Variants in PAG1 observed in about 807,000 individuals in gnomAD.
The protein encoded by PAG1 is phosphoprotein associated with glycosphingolipid-enriched microdomains 1.
Under a neutral mutation model 31.7 loss-of-function variants are expected in PAG1, and 23 were observed. The ratio of observed to expected loss-of-function variants is 0.73; its 90% CI spans 0.52 to 1.03. The LOEUF is 1.03. Ranked by LOEUF, PAG1 falls within the 50% of genes least tolerant of loss-of-function variation. PAG1 has a pLI of 0.00. For missense variants in PAG1, 473 were observed against 540.7 expected, an observed-to-expected ratio of 0.87 and a Z score of 1.24; for synonymous variants, 214 against 210.3, an observed-to-expected ratio of 1.02 and a Z score of -0.15.
At chr8:81,081,763 T>C (rs1809270096) in intron 1 of PAG1, among the ~76,000 whole-genome samples, 1 of 151,316 alleles carries the variant, frequency 6.6e-6, no homozygotes, top group South Asian at 2.1e-4. Flanking sequence ...AATAGCTCCT[T>C]TGTTTTATTG....
rs1053337379 is a variant in PAG1, at chr8:81,014,067, A to G, written c.-81+15929T>C. 3.9e-5 allele frequency among the ~76,000 whole-genome samples: 6 copies of G among 152,222 alleles called. No individual in the cohort carries two copies. In the East Asian group the frequency reaches 5.8e-4, roughly 15 times the overall value. On this transcript the variant is annotated intron_variant, in intron 3 of 8. Transcript: ENST00000220597. ...AAATATTTGTAGGGTTTGCCAGGGT[A>G]AAATTCTCAGATTTTGGGCTTACAA... is the stretch of plus-strand genomic sequence containing the variant.
intron 5 of PAG1, among the ~76,000 whole-genome samples, chr8:80,988,837 A>C (rs1023463946): frequency 6.6e-6 from 1 of 152,212 alleles, no homozygotes; most frequent in South Asian, 2.1e-4. Flanking sequence ...GCAGGGATAG[A>C]ATGTGTAGAT....
chr8:80,972,110 T>C lies in PAG1; in HGVS notation c.*4434A>G, dbSNP rs963376764. 1 of 152,218 alleles carries C rather than the reference T, an allele frequency of 6.6e-6. No homozygotes were observed. Among genetic ancestry groups the C allele is most frequent in the Non-Finnish European group, 1.5e-5 (1 of 68,028 alleles). The allele number at this position is 152,218 out of a possible 1,614,324, so 9.4% of individuals were successfully genotyped here. A position where few individuals can be genotyped will look rare whatever the true frequency, so the allele number is the denominator to read the frequency against. ...AGCCATATTTGATATTAAAGACACA[T>C]GTTCCTATTTTCACATCAGTCATTT... On this transcript the variant is annotated 3_prime_UTR_variant, in exon 9 of 9. Transcript: ENST00000220597.
chr8:81,017,311 C>A (rs777657387), intron 3 of PAG1, among the ~76,000 whole-genome samples: 6 of 152,216 alleles, frequency 3.9e-5, no homozygotes, highest in Admixed American at 1.3e-4. Flanking sequence ...AAACAGAACT[C>A]TGACTTTTTA....
chr8:81,045,555 C>T (rs1045250038), intron 2 of PAG1, among the ~76,000 whole-genome samples: 2 of 152,096 alleles, frequency 1.3e-5, no homozygotes, highest in African/African-American at 4.8e-5. Context: ...GGTGGGGTGA[C>T]AGCCTAGGGG....
chr8:81,059,662 A>G (rs931468019), intron 2 of PAG1, among the ~76,000 whole-genome samples: 1 of 152,152 alleles, frequency 6.6e-6, no homozygotes, highest in Non-Finnish European at 1.5e-5. Flanking sequence ...GGAGTCTATT[A>G]TCTCCCCATA....
chr8:80,990,566 G>T lies in PAG1; in HGVS notation c.177+913C>A, dbSNP rs1054452615. 2.6e-5 allele frequency among the ~76,000 whole-genome samples: 4 copies of T among 152,104 alleles called. No individual in the cohort carries two copies. Among genetic ancestry groups the T allele is most frequent in the African/African-American group, 9.7e-5 (4 of 41,416 alleles). On this transcript the variant is annotated intron_variant, in intron 5 of 8. Coordinates refer to ENST00000220597, the MANE Select transcript of PAG1 (RefSeq NM_018440.4). This position sits in a 1 kb window ranked among gnomAD's most constrained non-coding sequence, Gnocchi z 5.1. ...AATGTGACGATGGGCCCCCTCCCCA[G>T]CGGCTGGGACTGCTCAGCCATTCAA...
chr8:81,035,651 G>C (rs1487905862), intron 2 of PAG1, among the ~76,000 whole-genome samples: 1 of 152,154 alleles, frequency 6.6e-6, no homozygotes, highest in East Asian at 1.9e-4. Context: ...CAAATAGTGA[G>C]GGAACAAGGA....
At chr8:81,089,235 A>G (rs115309876) in intron 1 of PAG1, among the ~76,000 whole-genome samples, 256 of 152,326 alleles carry the variant, frequency 1.7e-3, no homozygotes, top group African/African-American at 6.0e-3. Context: ...GGAGGGACTC[A>G]GGCAGACGCT....
intron 8 of PAG1, among the ~76,000 whole-genome samples, chr8:80,979,204 T>C (rs942643236): frequency 6.6e-6 from 1 of 152,224 alleles, no homozygotes. Flanking sequence ...AGGAGCAATT[T>C]AAAATTTTAC....
At chr8:81,109,393 T>C (rs931674035) in intron 1 of PAG1, among the ~76,000 whole-genome samples, 31 of 152,186 alleles carry the variant, frequency 2.0e-4, no homozygotes, top group African/African-American at 7.2e-4. Flanking sequence ...CCAGCTCCAA[T>C]TTCTACTATT....
Position 80,980,422 on chromosome 8 carries a change from A to C in PAG1, c.936+13T>G, listed in dbSNP as rs2130369666. 1 of 1,530,510 alleles carries C rather than the reference A, an allele frequency of 6.5e-7. No homozygotes were observed. Among genetic ancestry groups the C allele is most frequent in the South Asian group, 1.1e-5 (1 of 89,212 alleles). The allele number at this position is 1,530,510 out of a possible 1,614,324, so 94.8% of individuals were successfully genotyped here. A position where few individuals can be genotyped will look rare whatever the true frequency, so the allele number is the denominator to read the frequency against. ...ACTACAGTTTTCCCTTTTTAAAAAGAAACAAAACTTACCTCTTCTTCTGTG... is the reference window on the plus strand; with the variant it reads ...ACTACAGTTTTCCCTTTTTAAAAAGCAACAAAACTTACCTCTTCTTCTGTG... On this transcript the variant is annotated intron_variant, in intron 8 of 8. Transcript: ENST00000220597.
chr8:81,009,874 G>T (rs964526954), intron 3 of PAG1, among the ~76,000 whole-genome samples: 1 of 152,158 alleles, frequency 6.6e-6, no homozygotes, highest in Non-Finnish European at 1.5e-5. Context: ...CTTGGCCTCC[G>T]AAAGTGCTGG....
intron 3 of PAG1, among the ~76,000 whole-genome samples, chr8:81,020,602 T>A (rs1190663277): frequency 6.6e-6 from 1 of 152,194 alleles, no homozygotes; most frequent in East Asian, 1.9e-4. Flanking sequence ...CTCCCAGCCA[T>A]GTGGAACTGT....
At position 80,993,218 on chromosome 8, in the gene PAG1, C is replaced by A; in HGVS notation, c.10G>T (p.Ala4Ser). The A allele has an allele frequency of 6.2e-7, 1 of 1,608,150 alleles. No homozygotes were observed. The highest frequency in any genetic ancestry group is 1.7e-4 in the Middle Eastern group (1 of 6,024). The change falls in exon 4 of 9, where the codon GCG becomes TCG. Residue 4 changes from alanine to serine, a missense_variant. Transcript: ENST00000220597. ...TGTCCGCTGCCCAGCAGGCTCCCCG[C>A]GGGCCCCATGGCAGGAGCAGGCACT... MGP[A>S]GSLLGSGQMQ...
chr8:81,040,408 C>T (rs1808534074), intron 2 of PAG1, among the ~76,000 whole-genome samples: 1 of 152,102 alleles, frequency 6.6e-6, no homozygotes, highest in African/African-American at 2.4e-5. Flanking sequence ...TTAGCCATTT[C>T]ACCTACGCTA....
In PAG1 at chr8:80,972,737, T is replaced by C. The variant is rs898977409; in HGVS notation, c.*3807A>G. The C allele has an allele frequency of 2.6e-5, 4 of 152,340 alleles. No homozygotes were observed. The highest frequency in any genetic ancestry group is 2.1e-4 in the South Asian group (1 of 4,824). 9.4% of individuals were successfully genotyped at this position (152,340 alleles called of 1,614,324 possible). A position where few individuals can be genotyped will look rare whatever the true frequency, so the allele number is the denominator to read the frequency against. On this transcript the variant is annotated 3_prime_UTR_variant, in exon 9 of 9. Transcript: ENST00000220597. The stretch of plus-strand genomic sequence containing the variant: ...GCAATTTAAAGTCTAAATGTATTAA[T>C]TGGAAAAATTAAATTAGAGCAACTC...
chr8:80,984,813 T>C lies in PAG1; in HGVS notation c.839A>G (p.Glu280Gly), dbSNP rs560204161. ...ACTGGTCGTGTCTGTGGCACTCTCT[T>C]CCGCCTCTCCCCCTTCCTTCTCCTG... ...NLQEKEGGEA[E>G]ESATDTTSET... is the part of the protein sequence containing the mutation. The change falls in exon 7 of 9, where the codon GAA becomes GGA. Residue 280 changes from glutamate (E) to glycine (G), a missense_variant. Coordinates refer to ENST00000220597, the MANE Select transcript of PAG1 (RefSeq NM_018440.4). The C allele has an allele frequency of 1.2e-6, 2 of 1,614,096 alleles. No homozygotes were observed. Among genetic ancestry groups the C allele is most frequent in the Admixed American group, 1.7e-5 (1 of 60,012 alleles).
At chr8:81,021,325 T>C (rs763301533) in intron 3 of PAG1, among the ~76,000 whole-genome samples, 2 of 152,024 alleles carry the variant, frequency 1.3e-5, no homozygotes, top group Non-Finnish European at 2.9e-5. Flanking sequence ...TTCTAGTCTA[T>C]TATTAACAAC....
Sources: allele counts gnomAD v4.1 joint callset (sites outside exome capture counted in the v4.1 genomes callset), GRCh38; gene constraint gnomAD v4.1.1; non-coding constraint Gnocchi (gnomAD v3.1); transcripts MANE v1.5; gene names NCBI Gene and HGNC (gene_info 2026-07-23, HGNC 2026-07-21).